The following DPH6 variants were observed in gnomAD, a reference collection of about 807,000 sequenced individuals.
The protein encoded by DPH6 is diphthamine biosynthesis 6.
A neutral mutation model predicts 38.2 loss-of-function variants in DPH6; 33 were observed. The observed-to-expected ratio is 0.86, with a 90% CI of 0.65 to 1.15. The LOEUF (loss-of-function observed/expected upper bound fraction) is 1.15, where lower values mean the gene tolerates loss of function less well. DPH6 is among the 50% of genes most tolerant of loss of function. The pLI is 0.00. For synonymous variants in DPH6, 108 were observed against 103.0 expected (o/e 1.05, Z -0.30); for missense variants, 325 against 320.0 (o/e 1.02, Z -0.12).
the DPH6 span, among the ~76,000 whole-genome samples, chr15:35,207,165 G>T: frequency 6.8e-6 from 1 of 146,118 alleles, no homozygotes; most frequent in African/African-American, 2.5e-5. Context: ...TCCCACCTCA[G>T]CCTCCTAAGT....
intron 3 of DPH6, among the ~76,000 whole-genome samples, chr15:35,458,840 T>C (rs2054028449): frequency 6.6e-6 from 1 of 152,164 alleles, no homozygotes; most frequent in African/African-American, 2.4e-5. Context: ...ATGCAATCCT[T>C]TTGGATCAAA....
chr15:35,339,122 T>C (rs2052400258), intron 3 of DPH6, among the ~76,000 whole-genome samples: 1 of 152,026 alleles, frequency 6.6e-6, no homozygotes, highest in African/African-American at 2.4e-5. Flanking sequence ...ACATGGCACA[T>C]GCATACATAT....
chr15:35,207,230 TAG>T, the DPH6 span, among the ~76,000 whole-genome samples: 5 of 151,800 alleles, frequency 3.3e-5, no homozygotes, highest in Non-Finnish European at 7.4e-5. Flanking sequence ...GGTTTTTTTG[TAG>T]AGACAGGGTC....
the DPH6 span, among the ~76,000 whole-genome samples, chr15:35,197,297 A>G: frequency 1.3e-5 from 2 of 152,234 alleles, no homozygotes; most frequent in Non-Finnish European, 2.9e-5. Context: ...AAAGAATGTC[A>G]ACATTGCCTT....
chr15:35,391,719 G>C (rs187449040), intron 6 of DPH6, among the ~76,000 whole-genome samples: 1 of 152,186 alleles, frequency 6.6e-6, no homozygotes, highest in Non-Finnish European at 1.5e-5. Flanking sequence ...GGAGTGACCC[G>C]ATTTTCCAGG....
exon 4 of DPH6, chr15:35,218,452 A>G (rs891292488): frequency 5.9e-5 from 9 of 152,190 alleles, no homozygotes; most frequent in African/African-American, 2.2e-4. Context: ...TTCAGTCAAT[A>G]TAAGTAAGCA....
chr15:35,533,576 T>C (rs12593461), intron 3 of DPH6, among the ~76,000 whole-genome samples: 32,186 of 151,828 alleles, frequency 0.21, 5,067 homozygotes, highest in East Asian at 0.72. Context: ...ACTTTGATTA[T>C]AAAATTTGGG....
At chr15:35,339,785 A>C (rs1246677943) in intron 3 of DPH6, among the ~76,000 whole-genome samples, 1 of 152,102 alleles carries the variant, frequency 6.6e-6, no homozygotes, top group Non-Finnish European at 1.5e-5. Flanking sequence ...GAATTTGCTG[A>C]GGGGTGTTTT....
At chr15:35,370,020 T>C (rs1364598948), downstream of DPH6, among the ~76,000 whole-genome samples, 1 of 151,732 alleles carries the variant, frequency 6.6e-6, no homozygotes, top group African/African-American at 2.4e-5. Flanking sequence ...AAGAGACAAA[T>C]CCATCAGTGG....
chr15:35,211,605 T>C, the DPH6 span, among the ~76,000 whole-genome samples: 1 of 152,148 alleles, frequency 6.6e-6, no homozygotes, highest in Non-Finnish European at 1.5e-5. Flanking sequence ...TATATATACA[T>C]CCTCAAATTT....
At chr15:35,192,582 C>A in the DPH6 span, among the ~76,000 whole-genome samples, 2 of 152,024 alleles carry the variant, frequency 1.3e-5, no homozygotes, top group African/African-American at 4.8e-5. Context: ...CAGGATGGAG[C>A]CATATAATTT....
the DPH6 span, among the ~76,000 whole-genome samples, chr15:35,160,911 G>A: frequency 2.0e-5 from 3 of 152,010 alleles, no homozygotes; most frequent in Non-Finnish European, 4.4e-5. Flanking sequence ...AACACCGCAT[G>A]TTCTCACTCA....
chr15:35,380,045 T>C (rs908014983), intron 7 of DPH6, among the ~76,000 whole-genome samples: 3 of 152,138 alleles, frequency 2.0e-5, no homozygotes, highest in Admixed American at 2.0e-4. Flanking sequence ...AGAATTAGAT[T>C]GGTGATTAAC....
intron 5 of DPH6, among the ~76,000 whole-genome samples, chr15:35,414,334 TGTCA>T (rs1159356897): frequency 5.9e-5 from 9 of 151,882 alleles, no homozygotes; most frequent in African/African-American, 1.9e-4. Flanking sequence ...AAAATTATGA[TGTCA>T]GTATGATAGT....
chr15:35,291,920 C>G (rs1413396190), intron 3 of DPH6, among the ~76,000 whole-genome samples: 3 of 151,946 alleles, frequency 2.0e-5, no homozygotes, highest in Non-Finnish European at 4.4e-5. Flanking sequence ...TCTTCTTTTG[C>G]TATTTTGTTC....
intron 3 of DPH6, among the ~76,000 whole-genome samples, chr15:35,262,034 T>C (rs1243810760): frequency 6.6e-6 from 1 of 152,178 alleles, no homozygotes; most frequent in East Asian, 1.9e-4. Context: ...ACAACTACTG[T>C]GTATGGTCCT....
chr15:35,506,252 G>GT (rs1031609617), intron 3 of DPH6, among the ~76,000 whole-genome samples: 5 of 151,814 alleles, frequency 3.3e-5, no homozygotes, highest in Admixed American at 6.6e-5. Context: ...CTCTAGGAAT[G>GT]TTTTTTTAAA....
At chr15:35,430,901 G>A (rs1484345539) in intron 5 of DPH6, among the ~76,000 whole-genome samples, 2 of 152,148 alleles carry the variant, frequency 1.3e-5, no homozygotes, top group East Asian at 3.9e-4. Flanking sequence ...TACAGTATAG[G>A]AAGCCAAAAG....
the DPH6 span, among the ~76,000 whole-genome samples, chr15:35,196,402 C>T: frequency 6.6e-6 from 1 of 152,236 alleles, no homozygotes; most frequent in South Asian, 2.1e-4. Flanking sequence ...AGGATACAGA[C>T]GTTAAAGCCA....
Sources: gnomAD v4.1 joint callset for allele counts (sites outside exome capture counted in the v4.1 genomes callset) on GRCh38, gnomAD v4.1.1 for gene constraint, MANE v1.5 for transcripts, NCBI Gene and HGNC (gene_info 2026-07-23, HGNC 2026-07-21) for gene names.